Variants in SEC24D observed in about 807,000 individuals in gnomAD.
SEC24D encodes the protein SEC24 homolog D, COPII component, also known as protein transport protein Sec24D.
In SEC24D, 69 loss-of-function variants were observed where a neutral mutation model predicts 116.9. That is an observed-to-expected ratio of 0.59 (90% confidence interval 0.49 to 0.72). The LOEUF is 0.72. SEC24D is among the 30% of genes least tolerant of loss of function. The probability of loss-of-function intolerance (pLI) is 0.00; values close to 1 mark genes in which losing one functional copy is unlikely to be tolerated. For synonymous variants in SEC24D, 405 were observed against 442.8 expected, an observed-to-expected ratio of 0.91 and a Z score of 1.07; for missense variants, 1,131 against 1,264.1, an observed-to-expected ratio of 0.89 and a Z score of 1.60.
At chr4:118,792,057 C>T (rs1437094416) in intron 8 of SEC24D, among the ~76,000 whole-genome samples, 4 of 152,000 alleles carry the variant, frequency 2.6e-5, no homozygotes, top group Admixed American at 6.5e-5. Context: ...CTCTGCCTGG[C>T]CGCCCATCAT....
chr4:118,805,183 G>A (rs1729625110), intron 7 of SEC24D, among the ~76,000 whole-genome samples: 1 of 152,078 alleles, frequency 6.6e-6, no homozygotes, highest in Non-Finnish European at 1.5e-5. Context: ...ACTAGAACTT[G>A]GCTAGCTCAA....
chr4:118,727,633 G>C (rs991477559), intron 22 of SEC24D, among the ~76,000 whole-genome samples: 2 of 151,766 alleles, frequency 1.3e-5, no homozygotes, highest in East Asian at 2.0e-4. Context: ...AGGGCATTCA[G>C]AGAGAATGCC....
chr4:118,733,879 C>T (rs1725826212), intron 19 of SEC24D, among the ~76,000 whole-genome samples: 1 of 151,952 alleles, frequency 6.6e-6, no homozygotes, highest in African/African-American at 2.4e-5. Context: ...TCCACCCTCA[C>T]TTTGGCTCAC....
At chr4:118,756,206 G>C (rs1320681660) in intron 11 of SEC24D, among the ~76,000 whole-genome samples, 1 of 152,026 alleles carries the variant, frequency 6.6e-6, no homozygotes, top group Non-Finnish European at 1.5e-5. Context: ...CCCCATGAGA[G>C]AGTTCTGTAA....
At chr4:118,785,164 A>G (rs1298905089) in intron 8 of SEC24D, among the ~76,000 whole-genome samples, 1 of 152,202 alleles carries the variant, frequency 6.6e-6, no homozygotes, top group Non-Finnish European at 1.5e-5. Context: ...TTTAGTATCA[A>G]ATATGGCATT....
intron 19 of SEC24D, among the ~76,000 whole-genome samples, chr4:118,736,952 A>C (rs931339841): frequency 1.1e-4 from 16 of 152,210 alleles, no homozygotes; most frequent in African/African-American, 3.4e-4. Context: ...ATAGGCAATA[A>C]GTTTGTTTTT....
chr4:118,764,634 C>A, intron 10 of SEC24D, 168 bp downstream of exon 10: 1 of 502,882 alleles, frequency 2.0e-6, no homozygotes, highest in Non-Finnish European at 3.5e-6. Context: ...GCAGTTGAAT[C>A]ATGTTAACAA....
chr4:118,829,059 C>A (rs560151217), intron 2 of SEC24D, among the ~76,000 whole-genome samples: 1 of 152,340 alleles, frequency 6.6e-6, no homozygotes, highest in South Asian at 2.1e-4. Context: ...TGCTTCCATA[C>A]CACCCTCTAC....
At chr4:118,798,663 G>A (rs1240859069) in intron 7 of SEC24D, among the ~76,000 whole-genome samples, 2 of 152,174 alleles carry the variant, frequency 1.3e-5, no homozygotes, top group Non-Finnish European at 2.9e-5. Flanking sequence ...AAATTATATA[G>A]GACATTAGAA....
intron 6 of SEC24D, among the ~76,000 whole-genome samples, chr4:118,806,205 T>C (rs1367880319): frequency 2.6e-5 from 4 of 152,246 alleles, no homozygotes; most frequent in Admixed American, 1.3e-4. Flanking sequence ...AATTTTAGAA[T>C]AGTAGTTTCC....
At chr4:118,832,896 CAAG>C (rs1337615426) in intron 2 of SEC24D, among the ~76,000 whole-genome samples, 2 of 152,102 alleles carry the variant, frequency 1.3e-5, no homozygotes, top group East Asian at 1.9e-4. Flanking sequence ...TGGTCCTGAA[CAAG>C]AAGAGGGATG....
intron 13 of SEC24D, among the ~76,000 whole-genome samples, chr4:118,747,867 T>C (rs576305228): frequency 1.3e-5 from 2 of 152,336 alleles, no homozygotes; most frequent in East Asian, 3.9e-4. Flanking sequence ...AATTATCCCA[T>C]GACATAGGCA....
At chr4:118,794,278 A>T (rs1457769828) in intron 8 of SEC24D, among the ~76,000 whole-genome samples, 1 of 152,222 alleles carries the variant, frequency 6.6e-6, no homozygotes, top group African/African-American at 2.4e-5. Context: ...ATTAATACTA[A>T]ATGATGATAA....
intron 1 of SEC24D, among the ~76,000 whole-genome samples, chr4:118,834,782 C>T: frequency 6.6e-6 from 1 of 152,124 alleles, no homozygotes; most frequent in East Asian, 1.9e-4. Context: ...TTATTTGCCC[C>T]ATACAAGCAT....
Position 118,798,635 on chromosome 4 carries a change from A to G in SEC24D, c.914-825T>C, listed in dbSNP as rs924581576. ...CTTGCAGAGGACACAGACAATGAAT[A>G]TTACGCCTAATAAAAGTAAATTATA... On this transcript the variant is annotated intron_variant, in intron 7 of 22. Transcript: ENST00000280551. 8.5e-5 allele frequency among the ~76,000 whole-genome samples: 13 copies of G among 152,364 alleles called. 1 individual carries two copies. In the South Asian group the frequency reaches 2.5e-3, roughly 29 times the overall value.
At position 118,764,927 on chromosome 4, in the gene SEC24D, A is replaced by G. The variant is rs1487537288; in HGVS notation, c.1181-10T>C. The G allele has an allele frequency of 1.4e-6, 2 of 1,399,072 alleles. No homozygotes were observed. Among genetic ancestry groups the G allele is most frequent in the East Asian group, 4.6e-5 (2 of 43,780 alleles). 86.7% of individuals were successfully genotyped at this position (1,399,072 alleles called of 1,614,324 possible). A position where few individuals can be genotyped will look rare whatever the true frequency, so the allele number is the denominator to read the frequency against. Reference sequence around the variant, plus strand: ...AAATAGAATGGTGGAACTAATAAAAACAAAATAGGAAAGAAAATATTTTGT... The same window carrying G: ...AAATAGAATGGTGGAACTAATAAAAGCAAAATAGGAAAGAAAATATTTTGT... On this transcript the variant is annotated splice_polypyrimidine_tract_variant and intron_variant, in intron 9 of 22. Transcript: ENST00000280551.
intron 13 of SEC24D, among the ~76,000 whole-genome samples, chr4:118,751,180 T>TTTTTTTTTTTTTTA (rs1726811683): frequency 7.0e-6 from 1 of 143,462 alleles, no homozygotes; most frequent in Non-Finnish European, 1.5e-5. Context: ...TGAGGGCTTT[T>TTTTTTTTTTTTTTA]TTTTTTTTTT....
intron 17 of SEC24D, 32 bp from the exon 18 acceptor site, chr4:118,739,319 T>C: frequency 6.3e-7 from 1 of 1,597,280 alleles, no homozygotes; most frequent in South Asian, 1.1e-5. Flanking sequence ...CACATGTTTT[T>C]CTGATTAACA....
At chr4:118,823,819 C>T (rs962387463) in intron 3 of SEC24D, among the ~76,000 whole-genome samples, 1 of 152,152 alleles carries the variant, frequency 6.6e-6, no homozygotes, top group Non-Finnish European at 1.5e-5. Flanking sequence ...GTTGTTTTTA[C>T]TACAGCTCTG....
Sources: gnomAD v4.1 joint callset for allele counts (sites outside exome capture counted in the v4.1 genomes callset) on GRCh38, gnomAD v4.1.1 for gene constraint, MANE v1.5 for transcripts, NCBI Gene and HGNC (gene_info 2026-07-23, HGNC 2026-07-21) for gene names.